PLPPR5: variants seen among roughly 807,000 people sequenced by gnomAD.
PLPPR5 encodes the protein phospholipid phosphatase-related protein type 5.
PLPPR5 carries 16 observed loss-of-function variants against 33.9 expected under a neutral mutation model. The ratio of observed to expected loss-of-function variants is 0.47; its 90% CI spans 0.32 to 0.72. The LOEUF (loss-of-function observed/expected upper bound fraction) is 0.72, where lower values mean the gene tolerates loss of function less well. Among genes scored for constraint, PLPPR5 ranks in the 30% least tolerant of loss-of-function variants. The probability of loss-of-function intolerance (pLI) is 0.03; values close to 1 mark genes in which losing one functional copy is unlikely to be tolerated. For missense variants in PLPPR5, 301 were observed against 406.7 expected, an observed-to-expected ratio of 0.74 and a Z score of 2.23; for synonymous variants, 163 against 150.3, an observed-to-expected ratio of 1.08 and a Z score of -0.62.
chr1:98,973,426 G>C (rs984496123), intron 1 of PLPPR5, among the ~76,000 whole-genome samples: 23 of 151,928 alleles, frequency 1.5e-4, no homozygotes, highest in Non-Finnish European at 2.9e-4. Flanking sequence ...TACAAAAGTT[G>C]ATGTTTTCAC....
intron 5 of PLPPR5, among the ~76,000 whole-genome samples, chr1:98,913,710 T>A (rs746455196): frequency 3.9e-5 from 6 of 152,224 alleles, no homozygotes; most frequent in Non-Finnish European, 5.9e-5. Context: ...CTGATTAGTG[T>A]GTAACTGACT....
chr1:98,906,896 CAT>C (rs1409333090), intron 5 of PLPPR5, among the ~76,000 whole-genome samples: 2 of 152,086 alleles, frequency 1.3e-5, no homozygotes, highest in African/African-American at 2.4e-5. Context: ...TACAATGATT[CAT>C]ATGTTAGGTT....
At chr1:98,929,807 CAA>C (rs1446937248) in intron 3 of PLPPR5, among the ~76,000 whole-genome samples, 1 of 152,158 alleles carries the variant, frequency 6.6e-6, no homozygotes, top group Non-Finnish European at 1.5e-5. Flanking sequence ...GCTAGAAGAA[CAA>C]ATACACTTTT....
At chr1:98,962,746 G>C (rs1197882858) in intron 1 of PLPPR5, among the ~76,000 whole-genome samples, 2 of 152,170 alleles carry the variant, frequency 1.3e-5, no homozygotes. Flanking sequence ...CTGGACTCAA[G>C]CCATCCTCCC....
chr1:98,970,640 G>A (rs1026635978), intron 1 of PLPPR5, among the ~76,000 whole-genome samples: 2 of 151,872 alleles, frequency 1.3e-5, no homozygotes, highest in African/African-American at 2.4e-5. Flanking sequence ...ACTTGACTTG[G>A]TCCTCACAAC....
intron 4 of PLPPR5, among the ~76,000 whole-genome samples, chr1:98,917,067 A>G (rs1455691463): frequency 6.6e-6 from 1 of 152,074 alleles, no homozygotes; most frequent in Non-Finnish European, 1.5e-5. Context: ...AACTAAACTC[A>G]AGATCTGCCC....
chr1:98,941,989 C>T (rs1557677692), intron 3 of PLPPR5, among the ~76,000 whole-genome samples: 1 of 47,258 alleles, frequency 2.1e-5, no homozygotes, highest in South Asian at 5.7e-4. Context: ...TATATGTATA[C>T]GTATATATAT....
intron 1 of PLPPR5, among the ~76,000 whole-genome samples, chr1:98,972,516 C>G (rs1651697020): frequency 6.6e-6 from 1 of 152,022 alleles, no homozygotes; most frequent in Non-Finnish European, 1.5e-5. Context: ...GCCTATTTAA[C>G]ATCAGTTTTT....
chr1:98,894,800 G>C (rs1232325038), intron 5 of PLPPR5, among the ~76,000 whole-genome samples: 1 of 152,026 alleles, frequency 6.6e-6, no homozygotes, highest in African/African-American at 2.4e-5. Context: ...ACCTGGAAGG[G>C]AGAATTAAAT....
intron 4 of PLPPR5, 135 bp from the exon 5 acceptor site, chr1:98,915,055 T>A: frequency 1.4e-6 from 1 of 708,412 alleles, no homozygotes; most frequent in Non-Finnish European, 2.2e-6. Context: ...TATGAATTTA[T>A]ATCCAGATTT....
upstream of PLPPR5, among the ~76,000 whole-genome samples, chr1:99,005,372 G>T (rs989244934): frequency 2.0e-5 from 3 of 152,118 alleles, no homozygotes; most frequent in African/African-American, 7.2e-5. Flanking sequence ...CGAATTCCTT[G>T]ACCCAGCCCG....
At chr1:98,989,719 C>T (rs1570759559) in intron 1 of PLPPR5, among the ~76,000 whole-genome samples, 1 of 152,156 alleles carries the variant, frequency 6.6e-6, no homozygotes, top group Non-Finnish European at 1.5e-5. Context: ...AAACCCCAAA[C>T]AAGCCAGTTC....
chr1:98,953,596 T>C (rs1650884710), intron 2 of PLPPR5, among the ~76,000 whole-genome samples: 2 of 152,266 alleles, frequency 1.3e-5, no homozygotes, highest in African/African-American at 2.4e-5. Flanking sequence ...AATAAGAACA[T>C]GTATTCTCAG....
chr1:98,985,962 G>C (rs1433443675), intron 1 of PLPPR5, among the ~76,000 whole-genome samples: 3 of 151,980 alleles, frequency 2.0e-5, no homozygotes, highest in African/African-American at 7.2e-5. Context: ...GGCATTTCCT[G>C]AATTCCTTCA....
rs535891870 is a variant in PLPPR5 at position 98,890,570 on chromosome 1, A to G, written c.*2502T>C. The stretch of plus-strand genomic sequence containing the variant: ...ACTAAATTATACTGACCTGGGCCCC[A>G]AGTAAGTAGAATAAAAAGGAGATGT... On this transcript the variant is annotated 3_prime_UTR_variant, in exon 6 of 6. Coordinates refer to ENST00000263177, the MANE Select transcript of PLPPR5 (RefSeq NM_001037317.2). 6.6e-6 allele frequency: 1 copy of G among 152,590 alleles called. No individual in the cohort carries two copies. The highest frequency in any genetic ancestry group is 6.6e-5 in the Admixed American group (1 of 15,256). The allele number at this position is 152,590 out of a possible 1,614,324, so 9.5% of individuals were successfully genotyped here.
At chr1:98,897,595 T>A (rs577608751) in intron 5 of PLPPR5, among the ~76,000 whole-genome samples, 48 of 152,172 alleles carry the variant, frequency 3.2e-4, no homozygotes, top group African/African-American at 1.1e-3. Flanking sequence ...ACAATCAGCA[T>A]AGGGTTTTAA....
At chr1:98,923,274 G>T (rs6577234) in intron 3 of PLPPR5, among the ~76,000 whole-genome samples, 110,352 of 152,090 alleles carry the variant, frequency 0.73, 40,411 homozygotes, top group East Asian at 0.8. Flanking sequence ...TTCAAGTCAT[G>T]AGTAGAGCAA....
intron 5 of PLPPR5, among the ~76,000 whole-genome samples, chr1:98,900,457 T>C (rs545416090): frequency 1.3e-5 from 2 of 152,248 alleles, no homozygotes; most frequent in Admixed American, 1.3e-4. Context: ...TACAAAATTC[T>C]CTCTCTCCCC....
At chr1:98,966,325 A>C (rs1651451405) in intron 1 of PLPPR5, among the ~76,000 whole-genome samples, 1 of 152,198 alleles carries the variant, frequency 6.6e-6, no homozygotes, top group Admixed American at 6.5e-5. Context: ...TTAAGTCATG[A>C]AGGTGATGTC....
Sources: allele counts gnomAD v4.1 joint callset (sites outside exome capture counted in the v4.1 genomes callset), GRCh38; gene constraint gnomAD v4.1.1; transcripts MANE v1.5; gene names NCBI Gene and HGNC (gene_info 2026-07-23, HGNC 2026-07-21).